Variants in CACNA2D1 observed in about 807,000 individuals in gnomAD.
CACNA2D1 encodes calcium voltage-gated channel auxiliary subunit alpha2delta 1.
In CACNA2D1, 53 loss-of-function variants were observed where a neutral mutation model predicts 171.5. The ratio of observed to expected loss-of-function variants is 0.31; its 90% CI spans 0.25 to 0.39. The LOEUF (loss-of-function observed/expected upper bound fraction) is 0.39, where lower values mean the gene tolerates loss of function less well. Ranked by LOEUF, CACNA2D1 falls within the 10% of genes least tolerant of loss-of-function variation. The probability of loss-of-function intolerance (pLI) is 1.00; values close to 1 mark genes in which losing one functional copy is unlikely to be tolerated. For synonymous variants in CACNA2D1, 442 were observed against 443.1 expected (o/e 1.00, Z 0.03); for missense variants, 903 against 1,299.8 (o/e 0.69, Z 4.69).
intron 7 of CACNA2D1, among the ~76,000 whole-genome samples, chr7:82,077,011 A>G (rs2129000297): frequency 6.6e-6 from 1 of 152,290 alleles, no homozygotes; most frequent in South Asian, 2.1e-4. Flanking sequence ...CAAAATTTCT[A>G]TAGCAAATCT....
chr7:82,179,557 A>G (rs898346486), intron 3 of CACNA2D1, among the ~76,000 whole-genome samples: 5 of 152,124 alleles, frequency 3.3e-5, no homozygotes, highest in African/African-American at 7.2e-5. Context: ...TTGCCTACAA[A>G]TAAACACCAA....
chr7:82,121,319 G>A (rs115165219), intron 5 of CACNA2D1, among the ~76,000 whole-genome samples: 2,397 of 152,270 alleles, frequency 0.016, 71 homozygotes, highest in African/African-American at 0.055. Flanking sequence ...AGCCTCCTGA[G>A]TTGCTGAGAT....
intron 38 of CACNA2D1, among the ~76,000 whole-genome samples, chr7:81,956,052 A>ATC (rs1465502272): frequency 2.1e-5 from 3 of 141,120 alleles, no homozygotes; most frequent in Admixed American, 7.5e-5. Flanking sequence ...CAGTGGCACA[A>ATC]TCTCAGCTTA....
In CACNA2D1 at chr7:81,969,895, G is replaced by A. The variant is rs1203194747; in HGVS notation, c.2294C>T (p.Ala765Val). 1.3e-6 allele frequency: 2 copies of A among 1,580,356 alleles called. No homozygotes were observed. Among genetic ancestry groups the A allele is most frequent in the Admixed American group, 3.4e-5 (2 of 59,622 alleles). The change falls in exon 28 of 39, where the codon GCT (alanine) becomes GTT (valine). Residue 765 changes from alanine (A) to valine (V), a missense_variant. Ala to Val is a moderately conservative substitution (Grantham distance 64). Around this residue, in one of 5 missense-constraint regions of CACNA2D1, gnomAD observed 623 missense variants for 925.5 expected, o/e 0.67. Coordinates refer to ENST00000356860, the MANE Select transcript of CACNA2D1 (RefSeq NM_000722.4). ...GCAATACTTACTGTTAAAGTAGGGAGCAGTGAAAACATAGTTATCATTATC... is the reference window on the plus strand; with the variant it reads ...GCAATACTTACTGTTAAAGTAGGGAACAGTGAAAACATAGTTATCATTATC... ...SLDNDNYVFT[A>V]PYFNKSGPGA...
chr7:82,175,187 AT>A (rs921630784), intron 3 of CACNA2D1, among the ~76,000 whole-genome samples: 11 of 152,006 alleles, frequency 7.2e-5, no homozygotes, highest in African/African-American at 2.7e-4. Context: ...TTAAAAAAAA[AT>A]CATCAGGGAT....
chr7:82,130,464 CATA>C (rs1290239011), intron 5 of CACNA2D1, among the ~76,000 whole-genome samples: 2 of 151,842 alleles, frequency 1.3e-5, no homozygotes, highest in Admixed American at 6.6e-5. Flanking sequence ...AATAATGTAT[CATA>C]ATTAAATGCA....
At chr7:82,168,414 G>C (rs951808165) in intron 4 of CACNA2D1, among the ~76,000 whole-genome samples, 1 of 152,108 alleles carries the variant, frequency 6.6e-6, no homozygotes, top group Non-Finnish European at 1.5e-5. Flanking sequence ...AAAGTGCTGG[G>C]ATTACAGGTG....
At chr7:82,052,108 C>T (rs1329886991) in intron 10 of CACNA2D1, among the ~76,000 whole-genome samples, 1 of 152,098 alleles carries the variant, frequency 6.6e-6, no homozygotes, top group Non-Finnish European at 1.5e-5. Context: ...GGCTTCTGGG[C>T]AACTTTGGGA....
intron 2 of CACNA2D1, among the ~76,000 whole-genome samples, chr7:82,337,757 T>G (rs1818172032): frequency 6.6e-6 from 1 of 152,172 alleles, no homozygotes; most frequent in African/African-American, 2.4e-5. Context: ...CTAGAAAGAA[T>G]GTAGCATATA....
At chr7:82,359,872 T>C (rs1346988811) in intron 1 of CACNA2D1, among the ~76,000 whole-genome samples, 1 of 152,222 alleles carries the variant, frequency 6.6e-6, no homozygotes, top group African/African-American at 2.4e-5. Flanking sequence ...GTAATATCTA[T>C]TGAGCACCTA....
chr7:82,017,434 T>C (rs1001970738), intron 12 of CACNA2D1, among the ~76,000 whole-genome samples: 1 of 152,170 alleles, frequency 6.6e-6, no homozygotes, highest in African/African-American at 2.4e-5. Flanking sequence ...TGCATATAAA[T>C]AATGTATTGG....
Position 82,060,515 on chromosome 7 carries a change from A to G in CACNA2D1, c.792T>C (p.Val264=). Residue 264 remains valine (V), a synonymous_variant, in exon 10 of 39, where the codon GTT becomes GTC. Coordinates refer to ENST00000356860, the MANE Select transcript of CACNA2D1 (RefSeq NM_000722.4). ...GGATCAGTTTAAGTGTCAATCCACT[A>G]ACACTTCCACTCCTAGAAATAGACA... ...MLILVDVSGS[V]SGLTLKLIRT... is the part of the protein sequence containing the mutation. 1 of 1,600,836 alleles carries G rather than the reference A, an allele frequency of 6.2e-7. No individual in the cohort carries two copies. The highest frequency in any genetic ancestry group is 8.5e-7 in the Non-Finnish European group (1 of 1,169,846).
At chr7:82,356,256 C>T (rs1329670142) in intron 1 of CACNA2D1, among the ~76,000 whole-genome samples, 1 of 152,158 alleles carries the variant, frequency 6.6e-6, no homozygotes, top group South Asian at 2.1e-4. Flanking sequence ...CACAGCCCCG[C>T]TAGCTTTTTC....
intron 5 of CACNA2D1, among the ~76,000 whole-genome samples, chr7:82,126,194 C>T (rs181521463): frequency 7.2e-5 from 11 of 152,190 alleles, no homozygotes; most frequent in Admixed American, 3.3e-4. Flanking sequence ...AATGGCAGAG[C>T]TAAGATTTGA....
At chr7:82,411,629 A>G (rs1014849538) in intron 1 of CACNA2D1, among the ~76,000 whole-genome samples, 1 of 152,140 alleles carries the variant, frequency 6.6e-6, no homozygotes, top group African/African-American at 2.4e-5. Flanking sequence ...CTCAAAGCCT[A>G]TTCTCCATAC....
intron 12 of CACNA2D1, among the ~76,000 whole-genome samples, chr7:82,027,258 G>A (rs1802048210): frequency 6.6e-6 from 1 of 151,678 alleles, no homozygotes; most frequent in Non-Finnish European, 1.5e-5. Flanking sequence ...TTTCCATGAT[G>A]TAATGTGATT....
At chr7:82,365,595 A>G (rs1821602006) in intron 1 of CACNA2D1, among the ~76,000 whole-genome samples, 1 of 152,228 alleles carries the variant, frequency 6.6e-6, no homozygotes. Context: ...CAATGAATAG[A>G]TGGTGTTTTG....
At chr7:82,041,822 T>C (rs921521124) in intron 10 of CACNA2D1, among the ~76,000 whole-genome samples, 1 of 152,204 alleles carries the variant, frequency 6.6e-6, no homozygotes, top group African/African-American at 2.4e-5. Context: ...AATACATTAA[T>C]AGTAAAGTGA....
chr7:82,005,506 G>GAAA lies in CACNA2D1; in HGVS notation c.1516-12_1516-10dup. 1.6e-5 allele frequency: 19 copies of GAAA among 1,199,408 alleles called. No individual in the cohort carries two copies. The highest frequency in any genetic ancestry group is 4.9e-5 in the Admixed American group (2 of 40,540). The allele number at this position is 1,199,408 out of a possible 1,614,324, so 74.3% of individuals were successfully genotyped here. ...TACCCATTGGGGCACAGCTGGAAAAGAAAAAAAAAAAAAAGCTTGGATATG... is the reference window on the plus strand; with the variant it reads ...TACCCATTGGGGCACAGCTGGAAAAGAAAAAAAAAAAAAAAAAGCTTGGATATG... On this transcript the variant is annotated splice_polypyrimidine_tract_variant and intron_variant, in intron 17 of 38. Coordinates refer to ENST00000356860, the MANE Select transcript of CACNA2D1 (RefSeq NM_000722.4).
Sources: gnomAD v4.1 joint callset for allele counts (sites outside exome capture counted in the v4.1 genomes callset) on GRCh38, gnomAD v4.1.1 for gene constraint, gnomAD v4.1.1 regional missense constraint, MANE v1.5 for transcripts, NCBI Gene and HGNC (gene_info 2026-07-23, HGNC 2026-07-21) for gene names.